Variants in SDK2 observed in about 807,000 individuals in gnomAD.
SDK2 encodes the protein sidekick cell adhesion molecule 2, also known as protein sidekick-2.
A neutral mutation model predicts 253.9 loss-of-function variants in SDK2; 105 were observed. That is an observed-to-expected ratio of 0.41 (90% CI 0.35 to 0.49). SDK2 has a LOEUF of 0.49. Ranked by LOEUF, SDK2 falls within the 20% of genes least tolerant of loss-of-function variation. SDK2 has a pLI of 0.06. For synonymous variants in SDK2, 1,249 were observed against 1,234.9 expected, an observed-to-expected ratio of 1.01 and a Z score of -0.24; for missense variants, 2,608 against 3,003.0, an observed-to-expected ratio of 0.87 and a Z score of 3.07.
intron 1 of SDK2, among the ~76,000 whole-genome samples, chr17:73,608,415 A>G (rs1039318967): frequency 3.9e-5 from 6 of 152,222 alleles, no homozygotes; most frequent in Non-Finnish European, 7.4e-5. Context: ...GTTTGCTACC[A>G]GCATTCTCCA....
chr17:73,625,342 T>C (rs1481220579), intron 1 of SDK2, among the ~76,000 whole-genome samples: 2 of 152,240 alleles, frequency 1.3e-5, no homozygotes, highest in Non-Finnish European at 2.9e-5. Flanking sequence ...CCTTGTCGTA[T>C]TCCTGGAGCC....
chr17:73,561,207 G>T (rs1354218104), intron 1 of SDK2, among the ~76,000 whole-genome samples: 1 of 152,234 alleles, frequency 6.6e-6, no homozygotes, highest in African/African-American at 2.4e-5. Flanking sequence ...GGAAAGAGCT[G>T]TGGTGGGTGT....
intron 1 of SDK2, chr17:73,517,511 T>G (rs1666162642): frequency 6.6e-6 from 1 of 152,230 alleles, no homozygotes; most frequent in African/African-American, 2.4e-5. Flanking sequence ...TGCCAAGGAC[T>G]GCTGGGAGCC....
chr17:73,556,304 T>C (rs1292950483), intron 1 of SDK2, among the ~76,000 whole-genome samples: 1 of 151,638 alleles, frequency 6.6e-6, no homozygotes, highest in Non-Finnish European at 1.5e-5. Flanking sequence ...AGCGGCAAGC[T>C]TTTACCTTCG....
intron 2 of SDK2, among the ~76,000 whole-genome samples, chr17:73,502,762 C>A (rs2063900326): frequency 6.6e-6 from 1 of 152,212 alleles, no homozygotes; most frequent in South Asian, 2.1e-4. Flanking sequence ...GGATACTAAA[C>A]CACTGGGTGG....
intron 1 of SDK2, among the ~76,000 whole-genome samples, chr17:73,532,951 A>G (rs557721288): frequency 1.3e-5 from 2 of 152,306 alleles, no homozygotes; most frequent in East Asian, 3.9e-4. Context: ...GGCACTTAAT[A>G]AAGGCATTTA....
At chr17:73,560,381 G>A (rs1383623963) in intron 1 of SDK2, among the ~76,000 whole-genome samples, 1 of 152,148 alleles carries the variant, frequency 6.6e-6, no homozygotes, top group African/African-American at 2.4e-5. Flanking sequence ...TTGCTCTGTC[G>A]CCCAGGCTGG....
intron 6 of SDK2, 31 bp from the exon 7 acceptor site, chr17:73,438,185 G>A (rs2063385829): frequency 6.5e-7 from 1 of 1,533,094 alleles, no homozygotes; most frequent in African/African-American, 1.4e-5. Flanking sequence ...CCAGTGTTCA[G>A]CCATGAGGAC....
At position 73,639,806 on chromosome 17, in the gene SDK2, T is replaced by A. The variant is rs12603175; in HGVS notation, c.64+4219A>T. 0.33 allele frequency among the ~76,000 whole-genome samples: 50,770 copies of A among 151,866 alleles called. 8,513 individuals are homozygous for A. Among genetic ancestry groups the A allele is most frequent in the South Asian group, 0.37 (1,792 of 4,808 alleles). ...CAGCTATAAGGGGACAATTTCTTCA[T>A]CAGCATAAAACATAGCTAACAGCCA... is the stretch of plus-strand genomic sequence containing the variant. On this transcript the variant is annotated intron_variant, in intron 1 of 44. Coordinates refer to ENST00000392650, the MANE Select transcript of SDK2 (RefSeq NM_001144952.2). This position sits in a 1 kb window ranked among gnomAD's most constrained non-coding sequence, Gnocchi z 4.3.
chr17:73,572,074 T>C (rs1413433011), intron 1 of SDK2, among the ~76,000 whole-genome samples: 2 of 152,300 alleles, frequency 1.3e-5, no homozygotes, highest in East Asian at 3.9e-4. Context: ...TTCTGGGGCC[T>C]AAACTGCAGG....
rs1175974961 is a variant in SDK2 at position 73,342,715 on chromosome 17, TGG to T, written c.6166-3777_6166-3776del. On this transcript the variant is annotated intron_variant, in intron 44 of 44. Coordinates refer to ENST00000392650, the MANE Select transcript of SDK2 (RefSeq NM_001144952.2). ...ACCATCCCACAGTGAAACGAGTCTC[TGG>T]GGGGAGGAGCTTGTGGCACGGGGAA... is the stretch of plus-strand genomic sequence containing the variant. 2.6e-3 allele frequency among the ~76,000 whole-genome samples: 391 copies of T among 152,206 alleles called. 1 individual carries two copies. Among genetic ancestry groups the T allele is most frequent in the Non-Finnish European group, 4.1e-3 (281 of 67,988 alleles).
At chr17:73,373,457 G>A (rs909614534) in intron 36 of SDK2, among the ~76,000 whole-genome samples, 2 of 152,156 alleles carry the variant, frequency 1.3e-5, no homozygotes, top group Admixed American at 1.3e-4. Flanking sequence ...CATAATGGCT[G>A]TACTGATATA....
intron 29 of SDK2, 133 bp from the exon 30 acceptor site, chr17:73,388,170 A>T (rs2062890534): frequency 1.5e-6 from 1 of 662,884 alleles, no homozygotes; most frequent in East Asian, 2.8e-5. Context: ...AATTCCATGC[A>T]CGCAGGATCC....
chr17:73,405,506 A>ATG (rs1568385741), intron 18 of SDK2, among the ~76,000 whole-genome samples: 6 of 84,512 alleles, frequency 7.1e-5, no homozygotes, highest in African/African-American at 2.2e-4. Flanking sequence ...ATATATATAT[A>ATG]TATATATATA....
intron 1 of SDK2, among the ~76,000 whole-genome samples, chr17:73,584,282 G>C (rs1190757614): frequency 6.6e-6 from 1 of 152,244 alleles, no homozygotes; most frequent in Non-Finnish European, 1.5e-5. Context: ...GGCTGGGAGT[G>C]AGGGTCTCAC....
intron 44 of SDK2, among the ~76,000 whole-genome samples, chr17:73,346,153 C>T (rs1402659420): frequency 6.6e-6 from 1 of 150,966 alleles, no homozygotes; most frequent in Non-Finnish European, 1.5e-5. Context: ...TTGCAGTGAG[C>T]TGAGATCGCG....
At chr17:73,573,122 T>C (rs1011477511) in intron 1 of SDK2, among the ~76,000 whole-genome samples, 29 of 152,110 alleles carry the variant, frequency 1.9e-4, no homozygotes, top group Admixed American at 1.8e-3. Context: ...GGCCTCTCCA[T>C]CCTCCACTTC....
intron 3 of SDK2, among the ~76,000 whole-genome samples, chr17:73,464,807 A>T (rs1280324955): frequency 4.6e-5 from 7 of 151,984 alleles, no homozygotes; most frequent in Non-Finnish European, 8.8e-5. Flanking sequence ...CCATCCTCCA[A>T]ACCTCTCGCC....
chr17:73,597,408 A>G (rs2045774842), intron 1 of SDK2, among the ~76,000 whole-genome samples: 1 of 152,066 alleles, frequency 6.6e-6, no homozygotes, highest in South Asian at 2.1e-4. Context: ...CAGTTCTATA[A>G]AGCAGGGGCC....
Sources: gnomAD v4.1 joint callset for allele counts (sites outside exome capture counted in the v4.1 genomes callset) on GRCh38, gnomAD v4.1.1 for gene constraint, Gnocchi (gnomAD v3.1) non-coding constraint, MANE v1.5 for transcripts, NCBI Gene and HGNC (gene_info 2026-07-23, HGNC 2026-07-21) for gene names.